The following WWOX variants were observed in gnomAD, a reference collection of about 807,000 sequenced individuals.
WWOX encodes the protein WW domain-containing oxidoreductase.
WWOX carries 69 observed loss-of-function variants against 46.2 expected under a neutral mutation model. The ratio of observed to expected loss-of-function variants is 1.49; its 90% CI spans 1.23 to 1.82. WWOX has a LOEUF of 1.82. Among genes scored for constraint, WWOX ranks in the 40% most tolerant of loss-of-function variants. The pLI, the probability that WWOX is intolerant of heterozygous loss-of-function variation, is 0.00. For synonymous variants in WWOX, 359 were observed against 202.6 expected, an observed-to-expected ratio of 1.77 and a Z score of -6.56; for missense variants, 919 against 542.6, an observed-to-expected ratio of 1.69 and a Z score of -6.89.
chr16:79,120,260 G>T (rs558032051), intron 8 of WWOX, among the ~76,000 whole-genome samples: 73 of 152,290 alleles, frequency 4.8e-4, no homozygotes, highest in African/African-American at 1.7e-3. Flanking sequence ...GCTAGGAACA[G>T]ACATTCAGGT....
intron 8 of WWOX, among the ~76,000 whole-genome samples, chr16:78,838,316 A>C (rs865961316): frequency 6.6e-6 from 1 of 152,196 alleles, no homozygotes; most frequent in East Asian, 1.9e-4. Context: ...ACAGTGAACC[A>C]GGAACCAGAA....
intron 8 of WWOX, among the ~76,000 whole-genome samples, chr16:79,143,868 C>T (rs1345064277): frequency 1.3e-5 from 2 of 152,132 alleles, no homozygotes; most frequent in African/African-American, 2.4e-5. Flanking sequence ...AGCTAGCCAC[C>T]ATGTTATACC....
At chr16:78,738,883 A>G (rs1159660197) in intron 8 of WWOX, among the ~76,000 whole-genome samples, 1 of 152,058 alleles carries the variant, frequency 6.6e-6, no homozygotes, top group Non-Finnish European at 1.5e-5. Context: ...CATTCTTCAT[A>G]TTTTTGTACC....
chr16:78,515,353 G>A (rs1350934938), intron 8 of WWOX, among the ~76,000 whole-genome samples: 1 of 152,178 alleles, frequency 6.6e-6, no homozygotes, highest in Non-Finnish European at 1.5e-5. Flanking sequence ...TGTAATTTCA[G>A]ACTCTGCGTA....
At chr16:78,825,699 C>T in intron 8 of WWOX, 1 of 545,848 alleles carries the variant, frequency 1.8e-6, no homozygotes, top group South Asian at 1.7e-5. Flanking sequence ...TTCTGGGAGA[C>T]TCTGAGGACA....
At chr16:78,796,364 A>G (rs1441493405) in intron 8 of WWOX, among the ~76,000 whole-genome samples, 1 of 152,242 alleles carries the variant, frequency 6.6e-6, no homozygotes. Context: ...AAGAAAAAGT[A>G]CAAGTTTCCA....
chr16:78,223,225 G>C (rs2036948525), intron 5 of WWOX, among the ~76,000 whole-genome samples: 1 of 152,076 alleles, frequency 6.6e-6, no homozygotes, highest in Non-Finnish European at 1.5e-5. Flanking sequence ...GGAGATATTT[G>C]GGTTGTCATA....
At chr16:78,583,158 T>G (rs2045105464) in intron 8 of WWOX, among the ~76,000 whole-genome samples, 1 of 152,172 alleles carries the variant, frequency 6.6e-6, no homozygotes, top group South Asian at 2.1e-4. Context: ...AATTGGGGTG[T>G]CTTGTAATGC....
intron 8 of WWOX, among the ~76,000 whole-genome samples, chr16:78,913,943 G>T (rs2045178855): frequency 6.6e-6 from 1 of 151,996 alleles, no homozygotes; most frequent in Non-Finnish European, 1.5e-5. Context: ...TTATAGACAT[G>T]ATCCACTGCA....
chr16:78,840,659 A>G (rs1204198910), intron 8 of WWOX, among the ~76,000 whole-genome samples: 1 of 149,958 alleles, frequency 6.7e-6, no homozygotes, highest in Non-Finnish European at 1.5e-5. Flanking sequence ...TTAAATTTGG[A>G]TTCTGATTCA....
chr16:79,096,254 T>C (rs2049070411), intron 8 of WWOX, among the ~76,000 whole-genome samples: 1 of 152,060 alleles, frequency 6.6e-6, no homozygotes, highest in Non-Finnish European at 1.5e-5. Context: ...GAATCTCCTT[T>C]GAAAATATGT....
chr16:78,994,967 T>TTC (rs1491136585), intron 8 of WWOX, among the ~76,000 whole-genome samples: 1 of 50,072 alleles, frequency 2.0e-5, no homozygotes, highest in Non-Finnish European at 4.9e-5. Flanking sequence ...CTTCTTCTTC[T>TTC]TCTTTTTTTT....
chr16:78,705,433 C>T (rs1301833794), intron 8 of WWOX, among the ~76,000 whole-genome samples: 6 of 152,122 alleles, frequency 3.9e-5, no homozygotes, highest in African/African-American at 7.2e-5. Flanking sequence ...TGTAAAAATG[C>T]GTTGTGTTCC....
intron 8 of WWOX, among the ~76,000 whole-genome samples, chr16:78,823,095 G>A (rs1022190437): frequency 3.3e-5 from 5 of 152,164 alleles, no homozygotes; most frequent in Admixed American, 6.5e-5. Flanking sequence ...GTAGCTCTTC[G>A]TTATCTCAAA....
chr16:78,296,272 C>T (rs943037946), intron 5 of WWOX, among the ~76,000 whole-genome samples: 29 of 151,582 alleles, frequency 1.9e-4, no homozygotes, highest in African/African-American at 6.8e-4. Flanking sequence ...CCACAGATGT[C>T]GGTTTTCTGG....
intron 8 of WWOX, among the ~76,000 whole-genome samples, chr16:78,450,093 CTAAAG>C (rs554702768): frequency 1.1e-4 from 16 of 151,900 alleles, no homozygotes; most frequent in Non-Finnish European, 2.1e-4. Context: ...ATTTTGAATA[CTAAAG>C]TATAGTTTTC....
At chr16:79,104,597 G>C (rs2049270233) in intron 8 of WWOX, among the ~76,000 whole-genome samples, 1 of 152,106 alleles carries the variant, frequency 6.6e-6, no homozygotes, top group Non-Finnish European at 1.5e-5. Flanking sequence ...CGAATATTAA[G>C]TGTTGAGGCA....
chr16:78,988,108 C>T (rs1200471278), intron 8 of WWOX, among the ~76,000 whole-genome samples: 3 of 151,970 alleles, frequency 2.0e-5, no homozygotes, highest in East Asian at 1.9e-4. Flanking sequence ...TTTGGGAGGC[C>T]GAGGCTGGTG....
chr16:78,913,464 T>C (rs984440903), intron 8 of WWOX, among the ~76,000 whole-genome samples: 8 of 152,030 alleles, frequency 5.3e-5, no homozygotes, highest in African/African-American at 1.2e-4. Flanking sequence ...CCTGCAGTCT[T>C]GATGTGAACA....
Sources: allele counts gnomAD v4.1 joint callset (sites outside exome capture counted in the v4.1 genomes callset), GRCh38; gene constraint gnomAD v4.1.1; transcripts MANE v1.5; gene names NCBI Gene and HGNC (gene_info 2026-07-23, HGNC 2026-07-21).